CCDC192: variants seen among roughly 807,000 people sequenced by gnomAD.
CCDC192 encodes coiled-coil domain-containing protein 192.
chr5:127,887,706 ATTT>A (rs201453082), intron 6 of CCDC192, among the ~76,000 whole-genome samples: 1 of 140,520 alleles, frequency 7.1e-6, no homozygotes. Flanking sequence ...TTTATTAACT[ATTT>A]TTTTTTTTTT....
chr5:127,725,549 C>A (rs191746758), intron 2 of CCDC192, among the ~76,000 whole-genome samples: 35 of 152,182 alleles, frequency 2.3e-4, no homozygotes, highest in Middle Eastern at 3.4e-3. Context: ...CTGATATTCC[C>A]ATTTATTGTA....
At chr5:127,862,938 A>G (rs1751433129) in intron 5 of CCDC192, among the ~76,000 whole-genome samples, 1 of 151,732 alleles carries the variant, frequency 6.6e-6, no homozygotes, top group East Asian at 1.9e-4. Context: ...TAAAAAAAAA[A>G]AAAAAAAAAA....
At chr5:127,921,954 C>T (rs1364702893) in intron 6 of CCDC192, among the ~76,000 whole-genome samples, 2 of 152,196 alleles carry the variant, frequency 1.3e-5, no homozygotes, top group African/African-American at 4.8e-5. Context: ...AAAGTACATG[C>T]TACTAAAAAT....
intron 5 of CCDC192, among the ~76,000 whole-genome samples, chr5:127,831,229 G>T (rs1406075543): frequency 6.6e-6 from 1 of 151,744 alleles, no homozygotes; most frequent in African/African-American, 2.4e-5. Context: ...ATCAAGAAAA[G>T]CTATATTTTT....
intron 6 of CCDC192, among the ~76,000 whole-genome samples, chr5:127,886,555 T>C (rs1190955097): frequency 2.0e-5 from 3 of 152,236 alleles, no homozygotes; most frequent in Admixed American, 2.0e-4. Context: ...TAATGGATAC[T>C]AAATATGTTT....
At chr5:127,931,443 C>A (rs2126309411) in intron 6 of CCDC192, among the ~76,000 whole-genome samples, 1 of 152,280 alleles carries the variant, frequency 6.6e-6, no homozygotes, top group African/African-American at 2.4e-5. Context: ...CAGCTAGTAA[C>A]ATTTAAAGGC....
At chr5:127,839,978 T>C (rs866320565) in intron 5 of CCDC192, among the ~76,000 whole-genome samples, 8 of 152,154 alleles carry the variant, frequency 5.3e-5, no homozygotes, top group African/African-American at 1.7e-4. Context: ...AAACAATCTA[T>C]GTAAAGTTCT....
chr5:127,731,802 A>C (rs916801794), intron 2 of CCDC192, among the ~76,000 whole-genome samples: 1 of 152,236 alleles, frequency 6.6e-6, no homozygotes, highest in Non-Finnish European at 1.5e-5. Context: ...CTGGCTAGCC[A>C]TATGCAGAAA....
At chr5:127,789,323 C>G (rs564468959) in intron 3 of CCDC192, among the ~76,000 whole-genome samples, 3 of 151,922 alleles carry the variant, frequency 2.0e-5, no homozygotes, top group Non-Finnish European at 4.4e-5. Context: ...CCCTCTTATT[C>G]GAGAAGACAT....
At chr5:127,848,498 A>G (rs1334970470) in intron 5 of CCDC192, among the ~76,000 whole-genome samples, 1 of 152,122 alleles carries the variant, frequency 6.6e-6, no homozygotes, top group Non-Finnish European at 1.5e-5. Flanking sequence ...TATTGAAGCC[A>G]GTCCAACAAT....
chr5:127,763,292 A>C (rs886566727), intron 3 of CCDC192, among the ~76,000 whole-genome samples: 1 of 152,164 alleles, frequency 6.6e-6, no homozygotes, highest in African/African-American at 2.4e-5. Flanking sequence ...GCCAGTGATC[A>C]GTGCCACCAG....
chr5:127,901,354 A>G lies in CCDC192; in HGVS notation c.535+25693A>G, dbSNP rs540766774. Among the ~76,000 whole-genome samples the G allele has an allele frequency of 5.3e-5, 8 of 152,330 alleles. No homozygotes were observed. The East Asian group carries it at 1.3e-3, about 26-fold the overall frequency. The stretch of plus-strand genomic sequence containing the variant: ...AATCAACCTAGGGTGGAAAAAAAGT[A>G]ATCATTAGGCAGTTATTACCAAACC... On this transcript the variant is annotated intron_variant, in intron 6 of 6. Transcript: ENST00000514853.
intron 2 of CCDC192, among the ~76,000 whole-genome samples, chr5:127,753,913 A>G (rs1266963628): frequency 2.0e-5 from 3 of 152,222 alleles, no homozygotes; most frequent in Non-Finnish European, 2.9e-5. Context: ...AAACATAGGC[A>G]TTCTAGGTGA....
chr5:127,917,911 G>A (rs752242115), intron 6 of CCDC192, among the ~76,000 whole-genome samples: 13 of 152,100 alleles, frequency 8.5e-5, no homozygotes, highest in Non-Finnish European at 1.6e-4. Flanking sequence ...AGGCTTAGGC[G>A]GGTGGGTCAC....
intron 2 of CCDC192, among the ~76,000 whole-genome samples, chr5:127,716,895 G>C (rs1751652777): frequency 6.6e-6 from 1 of 152,012 alleles, no homozygotes; most frequent in Admixed American, 6.5e-5. Flanking sequence ...TACTTTATAG[G>C]GGCCATCTCC....
chr5:127,816,957 G>C (rs1749053715), intron 5 of CCDC192, among the ~76,000 whole-genome samples: 1 of 152,150 alleles, frequency 6.6e-6, no homozygotes, highest in Non-Finnish European at 1.5e-5. Flanking sequence ...CTTATTCCAT[G>C]CTATTTGTTT....
intron 5 of CCDC192, among the ~76,000 whole-genome samples, chr5:127,826,294 C>T (rs911150749): frequency 5.9e-5 from 9 of 151,964 alleles, no homozygotes; most frequent in African/African-American, 1.4e-4. Context: ...CAGATGCTGG[C>T]GAGGCTGCAA....
intron 6 of CCDC192, among the ~76,000 whole-genome samples, chr5:127,917,712 A>G (rs537285231): frequency 6.6e-6 from 1 of 152,300 alleles, no homozygotes; most frequent in East Asian, 1.9e-4. Context: ...CCCCAAAACA[A>G]TTACAACGGT....
intron 2 of CCDC192, among the ~76,000 whole-genome samples, chr5:127,722,671 C>G (rs1752094064): frequency 6.6e-6 from 1 of 152,074 alleles, no homozygotes; most frequent in African/African-American, 2.4e-5. Flanking sequence ...TCATTCTTCT[C>G]CATATGGATA....
Sources: allele counts gnomAD v4.1 joint callset (sites outside exome capture counted in the v4.1 genomes callset), GRCh38; gene constraint gnomAD v4.1.1; transcripts MANE v1.5; gene names NCBI Gene and HGNC (gene_info 2026-07-23, HGNC 2026-07-21).